The following FBXO33 variants were observed in gnomAD, a reference collection of about 807,000 sequenced individuals.
FBXO33 encodes F-box protein 33, also known as F-box only protein 33.
In FBXO33, 22 loss-of-function variants were observed where a neutral mutation model predicts 46.3. That is an observed-to-expected ratio of 0.48 (90% CI 0.34 to 0.68). The LOEUF (loss-of-function observed/expected upper bound fraction) is 0.68. Ranked by LOEUF, FBXO33 falls within the 30% of genes least tolerant of loss-of-function variation. The pLI is 0.01. For synonymous variants in FBXO33, 337 were observed against 291.3 expected, an observed-to-expected ratio of 1.16 and a Z score of -1.60; for missense variants, 692 against 708.8, an observed-to-expected ratio of 0.98 and a Z score of 0.27.
At chr14:39,422,806 A>T (rs920408131) in intron 1 of FBXO33, among the ~76,000 whole-genome samples, 1 of 152,226 alleles carries the variant, frequency 6.6e-6, no homozygotes, top group Non-Finnish European at 1.5e-5. Context: ...GGAATTTTTT[A>T]AAATTAAGAA....
intron 1 of FBXO33, among the ~76,000 whole-genome samples, chr14:39,410,774 AATTT>A (rs1167564592): frequency 1.2e-4 from 18 of 152,016 alleles, no homozygotes; most frequent in African/African-American, 3.4e-4. Flanking sequence ...TGTTTCTATG[AATTT>A]ATTTATTCTT....
chr14:39,407,033 A>G (rs1025243247), intron 1 of FBXO33, among the ~76,000 whole-genome samples: 1 of 152,216 alleles, frequency 6.6e-6, no homozygotes, highest in Non-Finnish European at 1.5e-5. Flanking sequence ...AAAAAAAGCT[A>G]CTATAACTAT....
intron 1 of FBXO33, among the ~76,000 whole-genome samples, chr14:39,421,990 G>T (rs1057361447): frequency 6.6e-6 from 1 of 152,206 alleles, no homozygotes; most frequent in Admixed American, 6.5e-5. Context: ...AGGCACAGTG[G>T]CTGACGCCTG....
At chr14:39,411,133 T>C (rs1411369408) in intron 1 of FBXO33, among the ~76,000 whole-genome samples, 1 of 152,094 alleles carries the variant, frequency 6.6e-6, no homozygotes, top group Non-Finnish European at 1.5e-5. Context: ...TCTTGCACTG[T>C]CGCCAGGGCT....
At chr14:39,413,478 G>A (rs936127764) in intron 1 of FBXO33, among the ~76,000 whole-genome samples, 4 of 152,096 alleles carry the variant, frequency 2.6e-5, no homozygotes, top group African/African-American at 9.7e-5. Context: ...TGTTAATGTT[G>A]ATATTTTGAT....
chr14:39,432,047 C>T lies in FBXO33; in HGVS notation c.116G>A (p.Arg39Gln). ...CCCCCGCAGTACCCGGAGCAGCCCC[C>T]GCAGCCGTCGCAGCTGCTGCAGCCG... ...RLRLQQLRRL[R>Q]GLLRVLRGRP... The change falls in exon 1 of 4, where the codon CGG becomes CAG. Residue 39 changes from arginine to glutamine, a missense_variant. Around this residue, in one of 3 missense-constraint regions of FBXO33, gnomAD observed 412 missense variants for 370.8 expected, o/e 1.11. Transcript: ENST00000298097. 1 of 1,278,878 alleles carries T rather than the reference C, an allele frequency of 7.8e-7. No individual in the cohort carries two copies. Among genetic ancestry groups the T allele is most frequent in the East Asian group, 3.2e-5 (1 of 31,220 alleles). 79.2% of individuals were successfully genotyped at this position (1,278,878 alleles called of 1,614,324 possible).
chr14:39,413,384 C>T (rs952529135), intron 1 of FBXO33, among the ~76,000 whole-genome samples: 2 of 152,206 alleles, frequency 1.3e-5, no homozygotes, highest in Admixed American at 6.5e-5. Flanking sequence ...GCAATTTTCA[C>T]CACATCTACA....
Position 39,432,270 on chromosome 14 carries a change from G to A in FBXO33, c.-108C>T. The A allele has an allele frequency of 2.1e-6, 2 of 941,598 alleles. No individual in the cohort carries two copies. The highest frequency in any genetic ancestry group is 1.7e-5 in the African/African-American group (1 of 57,286). 58.3% of individuals were successfully genotyped at this position (941,598 alleles called of 1,614,324 possible). ...CCTCTGCGGGCGTGGCCTGCCGGGA[G>A]CCAGCCTCTGTCTTCTCAAACTCTA... On this transcript the variant is annotated 5_prime_UTR_variant, in exon 1 of 4. Coordinates refer to ENST00000298097, the MANE Select transcript of FBXO33 (RefSeq NM_203301.4).
Position 39,399,418 on chromosome 14 carries a change from A to C in FBXO33, c.*98T>G, listed in dbSNP as rs2075358112. On this transcript the variant is annotated 3_prime_UTR_variant, in exon 4 of 4. Transcript: ENST00000298097. ...TAATTCTATAAAGCTAATACTGATT[A>C]AACACAGCACAAAAGGATTAATTCA... The C allele has an allele frequency of 9.3e-7, 1 of 1,078,300 alleles. No homozygotes were observed. Among genetic ancestry groups the C allele is most frequent in the African/African-American group, 1.6e-5 (1 of 62,644 alleles). The allele number at this position is 1,078,300 out of a possible 1,614,324, so 66.8% of individuals were successfully genotyped here. A position where few individuals can be genotyped will look rare whatever the true frequency, so the allele number is the denominator to read the frequency against.
rs776699702 is a variant in FBXO33, at chr14:39,431,797, C to T, written c.366G>A (p.Gln122=). Residue 122 remains glutamine (Q), a synonymous_variant, in exon 1 of 4, where the codon CAG becomes CAA. Transcript: ENST00000298097. ...TGCGCATGAGGAATTCCAGCCGAGG[C>T]TGCTCCGCGGGCGAGACGCGGAGGC... The part of the protein sequence containing the change: ...RICLRVSPAE[Q]PRLEFLMRKC... 6.2e-7 allele frequency: 1 copy of T among 1,611,950 alleles called. No homozygotes were observed. The highest frequency in any genetic ancestry group is 2.2e-5 in the East Asian group (1 of 44,896).
At chr14:39,399,956 T>C (rs2075361115) in intron 3 of FBXO33, among the ~76,000 whole-genome samples, 169 bp from the exon 4 acceptor site, 1 of 152,216 alleles carries the variant, frequency 6.6e-6, no homozygotes, top group East Asian at 1.9e-4. Context: ...AAAGGAAACA[T>C]GGTTGTATAG....
Position 39,399,287 on chromosome 14 carries a change from T to A in FBXO33, c.*229A>T. On this transcript the variant is annotated 3_prime_UTR_variant, in exon 4 of 4. Transcript: ENST00000298097. ...AATCTTCGGCTGTATATCCTTAAGG[T>A]TTGGTAACAAGTCCATTAACCGTGA... The A allele has an allele frequency of 2.8e-6, 1 of 351,556 alleles. No homozygotes were observed. Among genetic ancestry groups the A allele is most frequent in the Non-Finnish European group, 5.1e-6 (1 of 196,186 alleles). 21.8% of individuals were successfully genotyped at this position (351,556 alleles called of 1,614,324 possible).
chr14:39,432,030 G>A lies in FBXO33; in HGVS notation c.133C>T (p.Leu45=), dbSNP rs983713974. Reference sequence around the variant, plus strand: ...CTGCCGGCTCCCGGCCGCCCCCGCAGTACCCGGAGCAGCCCCCGCAGCCGT... The same window carrying A: ...CTGCCGGCTCCCGGCCGCCCCCGCAATACCCGGAGCAGCCCCCGCAGCCGT... ...LRRLRGLLRV[L]RGRPGAGSRR... is the part of the protein sequence containing the mutation. The change falls in exon 1 of 4, where the codon CTG becomes TTG. Residue 45 remains leucine, a synonymous_variant. Transcript: ENST00000298097. 6 of 1,401,068 alleles carry A rather than the reference G, an allele frequency of 4.3e-6. No homozygotes were observed. Among genetic ancestry groups the A allele is most frequent in the Admixed American group, 7.1e-5 (2 of 28,044 alleles). The allele number at this position is 1,401,068 out of a possible 1,614,324, so 86.8% of individuals were successfully genotyped here.
At chr14:39,408,770 ACTTTT>A (rs2075409928) in intron 1 of FBXO33, among the ~76,000 whole-genome samples, 1 of 149,396 alleles carries the variant, frequency 6.7e-6, no homozygotes, top group South Asian at 2.1e-4. Context: ...CAGCCTCCTT[ACTTTT>A]ATCTCACATT....
At chr14:39,401,110 C>G in intron 3 of FBXO33, 66 bp downstream of exon 3, 1 of 1,430,546 alleles carries the variant, frequency 7.0e-7, no homozygotes, top group Non-Finnish European at 9.5e-7. Flanking sequence ...AGTGCTATCT[C>G]TTTACTGGCA....
chr14:39,421,367 G>T (rs185207357), intron 1 of FBXO33, among the ~76,000 whole-genome samples: 1 of 152,118 alleles, frequency 6.6e-6, no homozygotes, highest in East Asian at 1.9e-4. Context: ...TATTTACCTT[G>T]GTCTAGTACC....
chr14:39,431,714 C>G lies in FBXO33; in HGVS notation c.449G>C (p.Ser150Thr), dbSNP rs765522603. Residue 150 changes from serine (S) to threonine (T), a missense_variant, in exon 1 of 4, where the codon AGC becomes ACC. Physicochemically the swap from Ser to Thr is moderately conservative, Grantham distance 58. Around this residue, in one of 3 missense-constraint regions of FBXO33, gnomAD observed 412 missense variants for 370.8 expected, o/e 1.11. Transcript: ENST00000298097. ...ACCTCCGTCCCCTGGGCCACCGCCG[C>G]TCAGATAGTTCTCGGCGGCGAATTC... ...RVEFAAENYL[S>T]GGGPGDGGGA... The G allele has an allele frequency of 6.2e-7, 1 of 1,613,438 alleles. No individual in the cohort carries two copies. Among genetic ancestry groups the G allele is most frequent in the Non-Finnish European group, 8.5e-7 (1 of 1,179,998 alleles).
intron 1 of FBXO33, among the ~76,000 whole-genome samples, chr14:39,410,487 T>C (rs558379321): frequency 6.6e-6 from 1 of 152,342 alleles, no homozygotes; most frequent in African/African-American, 2.4e-5. Flanking sequence ...CCTATAGTTT[T>C]ATTGTTAGTG....
At chr14:39,417,536 A>ATTT (rs34235810) in intron 1 of FBXO33, among the ~76,000 whole-genome samples, 4 of 149,010 alleles carry the variant, frequency 2.7e-5, no homozygotes, top group Non-Finnish European at 6.0e-5. Context: ...AAGTATTGTT[A>ATTT]TTTTTTTTTT....
Sources: gnomAD v4.1 joint callset for allele counts (sites outside exome capture counted in the v4.1 genomes callset) on GRCh38, gnomAD v4.1.1 for gene constraint, gnomAD v4.1.1 regional missense constraint, MANE v1.5 for transcripts, NCBI Gene and HGNC (gene_info 2026-07-23, HGNC 2026-07-21) for gene names.